The following ARHGAP12 variants were observed in gnomAD, a reference collection of about 807,000 sequenced individuals.
The protein encoded by ARHGAP12 is Rho GTPase activating protein 12, also known as rho GTPase-activating protein 12.
In ARHGAP12, 64 loss-of-function variants were observed where a neutral mutation model predicts 108.6. That is an observed-to-expected ratio of 0.59 (90% CI 0.48 to 0.73). The LOEUF (loss-of-function observed/expected upper bound fraction) is 0.73. ARHGAP12 is among the 30% of genes least tolerant of loss of function. The pLI is 0.00. For synonymous variants in ARHGAP12, 312 were observed against 337.2 expected (o/e 0.93, Z 0.82); for missense variants, 940 against 1,005.9 (o/e 0.93, Z 0.89).
intron 2 of ARHGAP12, among the ~76,000 whole-genome samples, chr10:31,909,631 T>C (rs1194512077): frequency 6.6e-6 from 1 of 152,172 alleles, no homozygotes; most frequent in Non-Finnish European, 1.5e-5. Context: ...CACAGTGGCT[T>C]ACACCTATAT....
chr10:31,824,267 T>G (rs1210206734), intron 11 of ARHGAP12, among the ~76,000 whole-genome samples: 36 of 152,180 alleles, frequency 2.4e-4, no homozygotes, highest in Admixed American at 2.4e-3. Context: ...TAGTCTTTAC[T>G]GAGACTATAA....
chr10:31,841,794 G>A (rs1209866648), intron 7 of ARHGAP12, among the ~76,000 whole-genome samples: 1 of 152,098 alleles, frequency 6.6e-6, no homozygotes, highest in Non-Finnish European at 1.5e-5. Context: ...TCTGTATTAG[G>A]TTGCTGTGAT....
intron 15 of ARHGAP12, 75 bp from the exon 16 acceptor site, chr10:31,810,822 T>C (rs1208425936): frequency 8.9e-7 from 1 of 1,128,848 alleles, no homozygotes; most frequent in African/African-American, 1.6e-5. Context: ...CCATTCAGAG[T>C]GCAACAGAAA....
chr10:31,853,921 C>T (rs569403080), intron 5 of ARHGAP12, 145 bp downstream of exon 5: 7 of 854,738 alleles, frequency 8.2e-6, no homozygotes, highest in East Asian at 2.8e-5. Flanking sequence ...ACTGAGTTTT[C>T]GTATTGTCAA....
At chr10:31,816,307 CCTAA>C (rs1021481089) in intron 13 of ARHGAP12, among the ~76,000 whole-genome samples, 4 of 151,734 alleles carry the variant, frequency 2.6e-5, no homozygotes, top group African/African-American at 7.3e-5. Context: ...CAAGGCCTTC[CCTAA>C]CTAATACACT....
In ARHGAP12 at chr10:31,843,484, T is replaced by C. The variant is rs752508527; in HGVS notation, c.1273A>G (p.Ile425Val). ...ACCTTATCATTAGTGTCCAATACAATGGTGCTATGTCTCCACTTTGTTAAT... is the reference window on the plus strand; with the variant it reads ...ACCTTATCATTAGTGTCCAATACAACGGTGCTATGTCTCCACTTTGTTAAT... ...IVLTKWRHST[I>V]VLDTNDKESP... Residue 425 changes from isoleucine (I) to valine (V), a missense_variant, in exon 7 of 20, where the codon ATT (isoleucine) becomes GTT (valine). Physicochemically the swap from Ile to Val is conservative, Grantham distance 29 (BLOSUM62 3). Coordinates refer to ENST00000344936, the MANE Select transcript of ARHGAP12 (RefSeq NM_018287.7). 3.1e-6 allele frequency: 5 copies of C among 1,613,046 alleles called. No individual in the cohort carries two copies. In the South Asian group the frequency reaches 3.3e-5, roughly 11 times the overall value.
chr10:31,832,614 T>C (rs1463912719), intron 9 of ARHGAP12, among the ~76,000 whole-genome samples: 3 of 152,202 alleles, frequency 2.0e-5, no homozygotes, highest in African/African-American at 4.8e-5. Context: ...ATTATCTGTA[T>C]GAGACAATAG....
chr10:31,852,626 T>G (rs778342948), intron 5 of ARHGAP12, 29 bp from the exon 6 acceptor site: 10 of 1,502,774 alleles, frequency 6.7e-6, no homozygotes, highest in Non-Finnish European at 9.3e-6. Context: ...TGTTTTTTAT[T>G]AAATTTAAAT....
At chr10:31,846,899 ATTTTT>A (rs377177944) in intron 6 of ARHGAP12, among the ~76,000 whole-genome samples, 5 of 84,612 alleles carry the variant, frequency 5.9e-5, no homozygotes, top group South Asian at 4.2e-4. Context: ...GGCACTGTTC[ATTTTT>A]TTTTTTTTTT....
At chr10:31,846,357 C>T (rs1836460028) in intron 6 of ARHGAP12, among the ~76,000 whole-genome samples, 1 of 152,142 alleles carries the variant, frequency 6.6e-6, no homozygotes, top group Non-Finnish European at 1.5e-5. Flanking sequence ...TTATCACTTC[C>T]CTTCTGTTTG....
chr10:31,880,282 T>C (rs1592327354), intron 3 of ARHGAP12, among the ~76,000 whole-genome samples: 1 of 152,210 alleles, frequency 6.6e-6, no homozygotes, highest in South Asian at 2.1e-4. Context: ...AATGGTGCTC[T>C]TAAAGTCCCT....
intron 1 of ARHGAP12, among the ~76,000 whole-genome samples, chr10:31,922,174 C>T (rs1304212589): frequency 8.8e-6 from 1 of 113,562 alleles, no homozygotes; most frequent in Admixed American, 9.7e-5. Context: ...GAGCAAGACC[C>T]TGCCTCAAAA....
chr10:31,833,334 T>TTAA (rs1554776365), intron 9 of ARHGAP12, among the ~76,000 whole-genome samples: 30 of 137,730 alleles, frequency 2.2e-4, no homozygotes, highest in East Asian at 6.2e-4. Context: ...GAATTTGTAT[T>TTAA]AAAAAAAAAA....
chr10:31,884,094 T>TAAAA (rs59701767), intron 3 of ARHGAP12, among the ~76,000 whole-genome samples: 1 of 114,472 alleles, frequency 8.7e-6, no homozygotes, highest in African/African-American at 3.2e-5. Context: ...TGTTTACACC[T>TAAAA]AAAAAAAAAA....
chr10:31,907,019 G>C (rs151264321), intron 3 of ARHGAP12, among the ~76,000 whole-genome samples: 2 of 152,076 alleles, frequency 1.3e-5, no homozygotes, highest in African/African-American at 2.4e-5. Flanking sequence ...TCAAACACTA[G>C]AAGTTTTTCT....
At chr10:31,892,492 A>G (rs538029651) in intron 3 of ARHGAP12, among the ~76,000 whole-genome samples, 3 of 152,234 alleles carry the variant, frequency 2.0e-5, no homozygotes, top group Non-Finnish European at 2.9e-5. Flanking sequence ...AACAAAGATC[A>G]AAAGAGACAA....
At chr10:31,890,359 G>C (rs1291246405) in intron 3 of ARHGAP12, among the ~76,000 whole-genome samples, 1 of 152,108 alleles carries the variant, frequency 6.6e-6, no homozygotes, top group Non-Finnish European at 1.5e-5. Flanking sequence ...GGAACTTCAA[G>C]CATATTTTAC....
intron 4 of ARHGAP12, among the ~76,000 whole-genome samples, chr10:31,858,808 C>T (rs368670429): frequency 9.6e-4 from 146 of 152,198 alleles, no homozygotes; most frequent in African/African-American, 3.2e-3. Context: ...AAACCCACAA[C>T]AACAGGGAGG....
chr10:31,891,896 G>A (rs775239120), intron 3 of ARHGAP12, among the ~76,000 whole-genome samples: 56 of 152,092 alleles, frequency 3.7e-4, no homozygotes, highest in Admixed American at 1.8e-3. Flanking sequence ...TTGTGCATTC[G>A]TCACATAGTT....
Sources: allele counts gnomAD v4.1 joint callset (sites outside exome capture counted in the v4.1 genomes callset), GRCh38; gene constraint gnomAD v4.1.1; transcripts MANE v1.5; gene names NCBI Gene and HGNC (gene_info 2026-07-23, HGNC 2026-07-21).